TEAD3: variants seen among roughly 807,000 people sequenced by gnomAD.
The protein encoded by TEAD3 is transcriptional enhancer factor TEF-5.
TEAD3 carries 15 observed loss-of-function variants against 55.6 expected under a neutral mutation model. The ratio of observed to expected loss-of-function variants is 0.27; its 90% confidence interval spans 0.18 to 0.42. The LOEUF (loss-of-function observed/expected upper bound fraction) is 0.42. Ranked by LOEUF, TEAD3 falls within the 10% of genes least tolerant of loss-of-function variation. The pLI is 1.00. For synonymous variants in TEAD3, 210 were observed against 232.2 expected, an observed-to-expected ratio of 0.90 and a Z score of 0.87; for missense variants, 407 against 576.8, an observed-to-expected ratio of 0.71 and a Z score of 3.01.
Position 35,476,107 on chromosome 6 carries a change from C to G in TEAD3, c.727-15G>C. On this transcript the variant is annotated splice_polypyrimidine_tract_variant and intron_variant, in intron 9 of 12. Transcript: ENST00000639578. ...TGTTTGCTGTACTGTGGGGAGGGCC[C>G]AGACAGGGTCAGGAGAGTACTCAGG... 2 of 1,535,530 alleles carry G rather than the reference C, an allele frequency of 1.3e-6. No individual in the cohort carries two copies. Among genetic ancestry groups the G allele is most frequent in the Non-Finnish European group, 8.8e-7 (1 of 1,140,052 alleles).
chr6:35,478,637 C>T, intron 5 of TEAD3, 66 bp from the exon 6 acceptor site: 6 of 1,525,044 alleles, frequency 3.9e-6, no homozygotes, highest in South Asian at 1.2e-5. Flanking sequence ...TTTAGCGCCC[C>T]TCCCATGACC....
intron 8 of TEAD3, 123 bp from the exon 9 acceptor site, chr6:35,476,558 A>C: frequency 8.3e-7 from 1 of 1,198,526 alleles, no homozygotes; most frequent in Non-Finnish European, 1.2e-6. Flanking sequence ...TGACTCCCCT[A>C]CTATGTGTCC....
At chr6:35,478,655 A>C in intron 5 of TEAD3, 84 bp from the exon 6 acceptor site, 1 of 1,475,736 alleles carries the variant, frequency 6.8e-7, no homozygotes, top group Non-Finnish European at 9.1e-7. Context: ...ACCCCAGCAG[A>C]GTCCAAAGCA....
exon 13 of TEAD3, chr6:35,474,994 G>A (rs1296168180): frequency 1.4e-6 from 2 of 1,427,832 alleles, no homozygotes; most frequent in Admixed American, 2.3e-5. Flanking sequence ...CCAGGCAGGT[G>A]TGGAGAGGAG....
intron 7 of TEAD3, among the ~76,000 whole-genome samples, 167 bp downstream of exon 7, chr6:35,478,108 C>G (rs1035777332): frequency 6.6e-6 from 1 of 152,040 alleles, no homozygotes; most frequent in African/African-American, 2.4e-5. Flanking sequence ...CCACCTCGGC[C>G]TCCCAAAGTG....
rs1425629805 is a variant in TEAD3 at position 35,496,648 on chromosome 6, G to GCTTCCCCAC, written c.-50+241_-50+249dup. Among the ~76,000 whole-genome samples the GCTTCCCCAC allele has an allele frequency of 1.3e-5, 2 of 152,166 alleles. No individual in the cohort carries two copies. Among genetic ancestry groups the GCTTCCCCAC allele is most frequent in the African/African-American group, 4.8e-5 (2 of 41,446 alleles). ...CGGCACAGGGGACACGGTCTCCCCG[G>GCTTCCCCAC]CTTCCCCACCTTCCCGGACCAACTC... On this transcript the variant is annotated intron_variant, in intron 1 of 12. Transcript: ENST00000639578. The surrounding 1 kb of genome is among the most constrained non-coding windows in gnomAD (Gnocchi z 4.8).
Position 35,486,642 on chromosome 6 carries a change from G to C in TEAD3, c.21C>G (p.Asn7Lys), listed in dbSNP as rs1297464436. ...GGGCCTCCCCGGGGCTGCTGCTGGCGTTCCAGCTGTTGGACGCTATTGTGC... is the reference window on the plus strand; with the variant it reads ...GGGCCTCCCCGGGGCTGCTGCTGGCCTTCCAGCTGTTGGACGCTATTGTGC... The change falls in exon 2 of 13, where the codon AAC becomes AAG. Residue 7 changes from asparagine to lysine, a missense_variant. Asn to Lys is a moderately conservative substitution (Grantham distance 94). Transcript: ENST00000639578. This position sits in a 1 kb window ranked among gnomAD's most constrained non-coding sequence, Gnocchi z 7.3. 3.7e-6 allele frequency: 6 copies of C among 1,612,832 alleles called. No individual in the cohort carries two copies. The highest frequency in any genetic ancestry group is 3.3e-5 in the Admixed American group (2 of 60,024).
In TEAD3 at chr6:35,483,842, T is replaced by A. The variant is rs1306719496; in HGVS notation, c.267+718A>T. 6.6e-6 allele frequency among the ~76,000 whole-genome samples: 1 copy of A among 152,034 alleles called. No individual in the cohort carries two copies. The highest frequency in any genetic ancestry group is 1.5e-5 in the Non-Finnish European group (1 of 67,970). ...TTCCTGCCTGGGGGGCTTGAAGAAG[T>A]TACTTAACTTCCCTATGCATCAGTT... On this transcript the variant is annotated intron_variant, in intron 3 of 12. Transcript: ENST00000639578. This position sits in a 1 kb window ranked among gnomAD's most constrained non-coding sequence, Gnocchi z 4.5.
At chr6:35,487,682 C>T (rs536161232) in intron 1 of TEAD3, among the ~76,000 whole-genome samples, 43 of 152,000 alleles carry the variant, frequency 2.8e-4, no homozygotes, top group Middle Eastern at 6.8e-3. Context: ...GAGATAGCAC[C>T]ACTGCACTCC....
Position 35,486,827 on chromosome 6 carries a change from C to T in TEAD3, c.-49-116G>A. On this transcript the variant is annotated intron_variant, in intron 1 of 12. Coordinates refer to ENST00000639578, the Ensembl canonical transcript of TEAD3. The surrounding 1 kb of genome is among the most constrained non-coding windows in gnomAD (Gnocchi z 7.3). ...CCCAGCCCCAAGCCCACCCTAGGAG[C>T]AGGTGCTCCAGGTGGAACGGAGGTA... 1.5e-6 allele frequency: 1 copy of T among 672,600 alleles called. No individual in the cohort carries two copies. Among genetic ancestry groups the T allele is most frequent in the Non-Finnish European group, 2.5e-6 (1 of 403,268 alleles). 41.7% of individuals were successfully genotyped at this position (672,600 alleles called of 1,614,324 possible).
rs370417413 is a variant in TEAD3 at position 35,486,510 on chromosome 6, C to G, written c.153G>C (p.Pro51=). 1.2e-6 allele frequency: 2 copies of G among 1,613,554 alleles called. No homozygotes were observed. The highest frequency in any genetic ancestry group is 1.7e-6 in the Non-Finnish European group (2 of 1,179,760). ...GGATGATCTTCCGCCGGCCGCAGGG[C>G]GGGTAGATGGCCAGGGCCTCCTGGA... Residue 51 remains proline, a synonymous_variant, in exon 2 of 13, where the codon CCG becomes CCC. Coordinates refer to ENST00000639578, the Ensembl canonical transcript of TEAD3. The surrounding 1 kb of genome is among the most constrained non-coding windows in gnomAD (Gnocchi z 7.3).
chr6:35,475,079 C>A lies in TEAD3; in HGVS notation c.1273G>T (p.Ala425Ser), dbSNP rs556619552. ...ACGAGCTTGTAGACATGGTGCTGGG[C>A]CCCGTGCTCACTGGTGGAGACTTCG... is the stretch of plus-strand genomic sequence containing the variant. Residue 425 changes from alanine to serine, a missense_variant, in exon 13 of 13, where the codon GCC (alanine) becomes TCC (serine). Coordinates refer to ENST00000639578, the Ensembl canonical transcript of TEAD3. The surrounding 1 kb of genome is among the most constrained non-coding windows in gnomAD (Gnocchi z 5.4). The A allele has an allele frequency of 2.5e-6, 4 of 1,597,290 alleles. No homozygotes were observed. In the Admixed American group the frequency reaches 7.0e-5, roughly 28 times the overall value.
In TEAD3 at chr6:35,496,393, C is replaced by T. The variant is rs1365091510; in HGVS notation, c.-50+505G>A. 2.0e-5 allele frequency among the ~76,000 whole-genome samples: 3 copies of T among 152,090 alleles called. No homozygotes were observed. The highest frequency in any genetic ancestry group is 4.4e-5 in the Non-Finnish European group (3 of 68,000). ...CACCCTCCACAACCCAGCGCAGCCG[C>T]GGCACCGCGCGCAGAAACCGGCCTG... is the stretch of plus-strand genomic sequence containing the variant. On this transcript the variant is annotated intron_variant, in intron 1 of 12. Transcript: ENST00000639578. The surrounding 1 kb of genome is among the most constrained non-coding windows in gnomAD (Gnocchi z 4.8).
At chr6:35,490,828 T>G (rs1246118092) in intron 1 of TEAD3, among the ~76,000 whole-genome samples, 1 of 151,976 alleles carries the variant, frequency 6.6e-6, no homozygotes, top group African/African-American at 2.4e-5. Context: ...GGACTCTGGC[T>G]TGGTGGAGGG....
intron 1 of TEAD3, among the ~76,000 whole-genome samples, chr6:35,493,395 G>A (rs1331969129): frequency 1.3e-5 from 2 of 152,012 alleles, no homozygotes; most frequent in African/African-American, 2.4e-5. Context: ...GCACAGCCCT[G>A]GGGGTGTCAC....
exon 13 of TEAD3, chr6:35,474,979 G>T: frequency 7.3e-7 from 1 of 1,371,338 alleles, no homozygotes; most frequent in Non-Finnish European, 9.8e-7. Flanking sequence ...ACCCCCCCAG[G>T]GGTGCCAGGC....
chr6:35,479,617 G>A (rs1768227042), intron 4 of TEAD3, among the ~76,000 whole-genome samples: 1 of 152,240 alleles, frequency 6.6e-6, no homozygotes, highest in Non-Finnish European at 1.5e-5. Flanking sequence ...CTGCACCGCT[G>A]TGGGCAGGGA....
intron 3 of TEAD3, among the ~76,000 whole-genome samples, chr6:35,481,106 T>C (rs1426750657): frequency 1.3e-5 from 2 of 151,840 alleles, no homozygotes; most frequent in African/African-American, 4.8e-5. Flanking sequence ...TGGGCTAATA[T>C]ATGCTAGTGT....
Position 35,477,308 on chromosome 6 carries a change from T to C in TEAD3, c.592+3A>G. On this transcript the variant is annotated splice_donor_region_variant and intron_variant, in intron 8 of 12. Coordinates refer to ENST00000639578, the Ensembl canonical transcript of TEAD3. ...GGGAGAGCACCTCGTGTGGGGAACTTACTGCTGAGCGTCGGCGGCAGGGGC... is the reference window on the plus strand; with the variant it reads ...GGGAGAGCACCTCGTGTGGGGAACTCACTGCTGAGCGTCGGCGGCAGGGGC... 6.2e-7 allele frequency: 1 copy of C among 1,609,224 alleles called. No individual in the cohort carries two copies. The highest frequency in any genetic ancestry group is 8.5e-7 in the Non-Finnish European group (1 of 1,179,714).
Sources: gnomAD v4.1 joint callset for allele counts (sites outside exome capture counted in the v4.1 genomes callset) on GRCh38, gnomAD v4.1.1 for gene constraint, Gnocchi (gnomAD v3.1) non-coding constraint, MANE v1.5 for transcripts, NCBI Gene and HGNC (gene_info 2026-07-23, HGNC 2026-07-21) for gene names.